Variants in LHFPL3 observed in about 807,000 individuals in gnomAD.
LHFPL3 encodes LHFPL tetraspan subfamily member 3.
In LHFPL3, 5 loss-of-function variants were observed where a neutral mutation model predicts 19.3. The ratio of observed to expected loss-of-function variants is 0.26; its 90% CI spans 0.14 to 0.54. LHFPL3 has a LOEUF of 0.54. Ranked by LOEUF, LHFPL3 falls within the 20% of genes least tolerant of loss-of-function variation. The pLI is 0.94. For missense variants in LHFPL3, 249 were observed against 307.4 expected (o/e 0.81, Z 1.42); for synonymous variants, 133 against 126.2 (o/e 1.05, Z -0.36).
At chr7:104,578,641 ACT>A (rs1790393911) in intron 1 of LHFPL3, among the ~76,000 whole-genome samples, 1 of 152,226 alleles carries the variant, frequency 6.6e-6, no homozygotes, top group Admixed American at 6.5e-5. Context: ...AGTCCTGAGC[ACT>A]GATGGAGCCT....
At chr7:104,832,609 A>G (rs1236582462) in intron 2 of LHFPL3, among the ~76,000 whole-genome samples, 2 of 130,040 alleles carry the variant, frequency 1.5e-5, no homozygotes, top group East Asian at 2.2e-4. Context: ...TCTCTCTGAC[A>G]TTTCTTTTTT....
intron 1 of LHFPL3, among the ~76,000 whole-genome samples, chr7:104,606,091 C>T (rs1241504942): frequency 6.6e-6 from 1 of 152,156 alleles, no homozygotes; most frequent in Non-Finnish European, 1.5e-5. Context: ...GAACTCCTGG[C>T]CTCATGCAAG....
chr7:104,683,500 T>C (rs901081811), intron 1 of LHFPL3, among the ~76,000 whole-genome samples: 3 of 152,222 alleles, frequency 2.0e-5, no homozygotes, highest in African/African-American at 7.2e-5. Flanking sequence ...GTGATGAACA[T>C]TCTTCCTTGT....
chr7:104,558,523 G>A (rs1032501483), intron 1 of LHFPL3, among the ~76,000 whole-genome samples: 1 of 151,982 alleles, frequency 6.6e-6, no homozygotes, highest in African/African-American at 2.4e-5. Context: ...TTTTGATGGG[G>A]TTGTTTGTTT....
At chr7:104,834,111 C>T (rs924736029) in intron 2 of LHFPL3, among the ~76,000 whole-genome samples, 7 of 150,952 alleles carry the variant, frequency 4.6e-5, no homozygotes, top group African/African-American at 9.8e-5. Context: ...TGTTTATATT[C>T]GATGGCAACT....
At chr7:104,689,213 A>G (rs1562966101) in intron 1 of LHFPL3, among the ~76,000 whole-genome samples, 1 of 152,208 alleles carries the variant, frequency 6.6e-6, no homozygotes, top group Non-Finnish European at 1.5e-5. Flanking sequence ...TTTAAATGCC[A>G]TGGGAATAAT....
chr7:104,496,586 A>G (rs1240559374), intron 1 of LHFPL3, among the ~76,000 whole-genome samples: 1 of 152,212 alleles, frequency 6.6e-6, no homozygotes, highest in East Asian at 1.9e-4. Flanking sequence ...AGTCCCACCA[A>G]CAGTGTAAAA....
intron 1 of LHFPL3, among the ~76,000 whole-genome samples, chr7:104,568,419 T>A (rs1790164127): frequency 6.6e-6 from 1 of 152,222 alleles, no homozygotes; most frequent in African/African-American, 2.4e-5. Context: ...TGGTATGTAC[T>A]CAGTATTTGC....
intron 1 of LHFPL3, among the ~76,000 whole-genome samples, chr7:104,562,994 GGGGGTCA>G (rs1790039971): frequency 1.3e-5 from 2 of 152,130 alleles, no homozygotes; most frequent in African/African-American, 4.8e-5. Flanking sequence ...TAGGCTGCTC[GGGGGTCA>G]GGGGTCAGGG....
chr7:104,384,075 G>A (rs1279577480), intron 1 of LHFPL3, among the ~76,000 whole-genome samples: 4 of 151,982 alleles, frequency 2.6e-5, no homozygotes, highest in African/African-American at 7.2e-5. Context: ...AATAATTGGA[G>A]CAGGATGAGT....
chr7:104,835,058 A>G (rs1305684179), intron 2 of LHFPL3, among the ~76,000 whole-genome samples: 1 of 151,892 alleles, frequency 6.6e-6, no homozygotes, highest in Non-Finnish European at 1.5e-5. Flanking sequence ...TTTAACCTCC[A>G]GTGTGGTCTC....
intron 2 of LHFPL3, among the ~76,000 whole-genome samples, chr7:104,772,549 T>C (rs1026396554): frequency 6.6e-6 from 1 of 152,162 alleles, no homozygotes; most frequent in Non-Finnish European, 1.5e-5. Context: ...CTTATTCTGA[T>C]GCCACCCCAG....
chr7:104,494,672 TC>T (rs1584358240), intron 1 of LHFPL3, among the ~76,000 whole-genome samples: 1 of 152,254 alleles, frequency 6.6e-6, no homozygotes, highest in East Asian at 1.9e-4. Flanking sequence ...CTGACCTCTC[TC>T]CCACCAGACC....
intron 1 of LHFPL3, among the ~76,000 whole-genome samples, chr7:104,431,155 GTTTC>G (rs71921393): frequency 0.17 from 25,756 of 151,756 alleles, 3,413 homozygotes; most frequent in African/African-American, 0.37. Flanking sequence ...TATATTTGCT[GTTTC>G]TTTATTTCTC....
chr7:104,903,588 C>T (rs1286996347), intron 2 of LHFPL3, among the ~76,000 whole-genome samples: 1 of 151,942 alleles, frequency 6.6e-6, no homozygotes, highest in Non-Finnish European at 1.5e-5. Context: ...CCTCAGCCTC[C>T]CAAGTAGCTT....
chr7:104,440,036 G>GGGCGGT (rs202069695), intron 1 of LHFPL3, among the ~76,000 whole-genome samples: 2 of 72,968 alleles, frequency 2.7e-5, no homozygotes, highest in Admixed American at 1.8e-4. Flanking sequence ...TACAAAGCCT[G>GGGCGGT]GGGGGGGGGA....
intron 1 of LHFPL3, among the ~76,000 whole-genome samples, chr7:104,522,122 G>C (rs1340043111): frequency 6.6e-6 from 1 of 152,028 alleles, no homozygotes; most frequent in Non-Finnish European, 1.5e-5. Context: ...CAATAGCAAA[G>C]ACTTGGAACC....
intron 1 of LHFPL3, among the ~76,000 whole-genome samples, chr7:104,536,554 G>A (rs41069): frequency 0.029 from 4,422 of 152,238 alleles, 220 homozygotes; most frequent in African/African-American, 0.1. Context: ...ATCAATTAAA[G>A]TTGTAGTTCT....
chr7:104,344,742 C>T (rs1790031504), intron 1 of LHFPL3, among the ~76,000 whole-genome samples: 1 of 152,080 alleles, frequency 6.6e-6, no homozygotes, highest in Non-Finnish European at 1.5e-5. Context: ...CATGCAAGTG[C>T]CTTTTTGATA....
Sources: gnomAD v4.1 joint callset for allele counts (sites outside exome capture counted in the v4.1 genomes callset) on GRCh38, gnomAD v4.1.1 for gene constraint, MANE v1.5 for transcripts, NCBI Gene and HGNC (gene_info 2026-07-23, HGNC 2026-07-21) for gene names.